The following MIGA1 variants were observed in gnomAD, a reference collection of about 807,000 sequenced individuals.
The protein encoded by MIGA1 is mitoguardin 1.
In MIGA1, 58 loss-of-function variants were observed where a neutral mutation model predicts 82.0. The ratio of observed to expected loss-of-function variants is 0.71; its 90% CI spans 0.57 to 0.88. The LOEUF (loss-of-function observed/expected upper bound fraction) is 0.88. Ranked by LOEUF, MIGA1 falls within the 40% of genes least tolerant of loss-of-function variation. The pLI, the probability that MIGA1 is intolerant of heterozygous loss-of-function variation, is 0.00. For synonymous variants in MIGA1, 249 were observed against 253.6 expected (o/e 0.98, Z 0.17); for missense variants, 751 against 749.1 (o/e 1.00, Z -0.03).
chr1:77,839,232 ATAATAATAAC>A (rs1481999485), intron 7 of MIGA1, among the ~76,000 whole-genome samples: 7 of 151,902 alleles, frequency 4.6e-5, no homozygotes, highest in Middle Eastern at 3.4e-3. Context: ...AATAATAATA[ATAATAATAAC>A]CATTTTCCAC....
intron 8 of MIGA1, among the ~76,000 whole-genome samples, chr1:77,852,397 T>C (rs1218515774): frequency 6.6e-6 from 1 of 152,160 alleles, no homozygotes; most frequent in Non-Finnish European, 1.5e-5. Context: ...CCTTAAAATA[T>C]GAGGGGAAAT....
chr1:77,833,028 T>C (rs993520642), intron 7 of MIGA1, among the ~76,000 whole-genome samples: 2 of 152,162 alleles, frequency 1.3e-5, no homozygotes, highest in Admixed American at 1.3e-4. Context: ...TAGAGAGATG[T>C]TATTCTTCTT....
chr1:77,869,858 C>T (rs1489939818), intron 14 of MIGA1, among the ~76,000 whole-genome samples: 48 of 113,330 alleles, frequency 4.2e-4, no homozygotes, highest in South Asian at 9.4e-4. Flanking sequence ...GCTGGCCAGG[C>T]GGGGGGCTGA....
chr1:77,803,211 AC>A (rs1213843461), intron 3 of MIGA1, 58 bp from the exon 4 acceptor site: 1 of 1,162,584 alleles, frequency 8.6e-7, no homozygotes, highest in African/African-American at 1.6e-5. Context: ...TGAAATTTTT[AC>A]CTGAAATTTA....
At position 77,788,234 on chromosome 1, in the gene MIGA1, G is replaced by A. The variant is rs186542579; in HGVS notation, c.195+4883G>A. ...GCCAGGCTGGTCTTGAACTCCTGAC[G>A]TCAAGTGATCCGCCTGCCTTGGCCT... is the stretch of plus-strand genomic sequence containing the variant. On this transcript the variant is annotated intron_variant, in intron 2 of 15. Transcript: ENST00000370791. Among the ~76,000 whole-genome samples the A allele has an allele frequency of 7.9e-5, 12 of 152,098 alleles. No homozygotes were observed. In the East Asian group the frequency reaches 1.7e-3, roughly 22 times the overall value.
intron 4 of MIGA1, among the ~76,000 whole-genome samples, chr1:77,805,461 CTTTTTT>C (rs11408292): frequency 4.5e-5 from 5 of 110,408 alleles, no homozygotes; most frequent in South Asian, 3.1e-4. Flanking sequence ...TATGCCTATT[CTTTTTT>C]TTTTTTTTTT....
chr1:77,813,362 A>G lies in MIGA1; in HGVS notation c.638-372A>G, dbSNP rs565558280. 2.7e-3 allele frequency among the ~76,000 whole-genome samples: 405 copies of G among 152,156 alleles called. 3 individuals are homozygous for G. The highest frequency in any genetic ancestry group is 9.0e-3 in the African/African-American group (375 of 41,526). On this transcript the variant is annotated intron_variant, in intron 5 of 15. Coordinates refer to ENST00000370791, the MANE Select transcript of MIGA1 (RefSeq NM_198549.4). ...AACTGGTTTCTTCTATCTTCCCATT[A>G]GTTTTCCTTTTAATTTACAGGGATA...
chr1:77,806,400 G>A (rs1484006321), intron 4 of MIGA1, among the ~76,000 whole-genome samples: 2 of 152,188 alleles, frequency 1.3e-5, no homozygotes, highest in Non-Finnish European at 2.9e-5. Flanking sequence ...CAGCAGAAGA[G>A]CCAAATGGAG....
At chr1:77,780,275 C>T (rs1396851238) in intron 1 of MIGA1, 1 of 589,128 alleles carries the variant, frequency 1.7e-6, no homozygotes, top group Non-Finnish European at 2.1e-6. Context: ...TGAAAGATTA[C>T]TCTGCTTTGC....
Position 77,806,956 on chromosome 1 carries a change from C to A in MIGA1, c.511-19C>A. The stretch of plus-strand genomic sequence containing the variant: ...TCATGAGAGAGATTTGAAGTAACTT[C>A]TATCCATCTTAATTTTAGGTCCAGA... On this transcript the variant is annotated intron_variant, in intron 4 of 15. Coordinates refer to ENST00000370791, the MANE Select transcript of MIGA1 (RefSeq NM_198549.4). 1 of 1,590,396 alleles carries A rather than the reference C, an allele frequency of 6.3e-7. No homozygotes were observed. Among genetic ancestry groups the A allele is most frequent in the Non-Finnish European group, 8.6e-7 (1 of 1,165,880 alleles).
intron 8 of MIGA1, among the ~76,000 whole-genome samples, chr1:77,844,127 TATATATATATAG>T (rs1684741347): frequency 3.4e-5 from 4 of 117,136 alleles, no homozygotes; most frequent in South Asian, 5.2e-4. Context: ...TATATATATA[TATATATATATAG>T]ATAGATAGAT....
At chr1:77,822,355 G>A (rs1683848734) in intron 7 of MIGA1, among the ~76,000 whole-genome samples, 1 of 152,186 alleles carries the variant, frequency 6.6e-6, no homozygotes, top group South Asian at 2.1e-4. Context: ...GAGCTCAGAA[G>A]TTCGAGGCTG....
At chr1:77,794,385 A>G (rs1682567665) in intron 2 of MIGA1, among the ~76,000 whole-genome samples, 2 of 152,174 alleles carry the variant, frequency 1.3e-5, no homozygotes, top group African/African-American at 2.4e-5. Context: ...AATCTGTGAC[A>G]GTTCTTTCAG....
intron 7 of MIGA1, among the ~76,000 whole-genome samples, chr1:77,826,562 A>C (rs186920673): frequency 2.0e-5 from 3 of 152,234 alleles, no homozygotes; most frequent in Non-Finnish European, 2.9e-5. Context: ...CACAGCCTCA[A>C]CTTCCTGGGT....
chr1:77,861,017 G>A (rs1174622568), intron 11 of MIGA1: 3 of 478,932 alleles, frequency 6.3e-6, no homozygotes, highest in Non-Finnish European at 1.1e-5. Flanking sequence ...GTTTGCTTGT[G>A]ACATTTTACT....
At chr1:77,811,786 G>A (rs1683343834) in intron 5 of MIGA1, 6 of 1,565,504 alleles carry the variant, frequency 3.8e-6, no homozygotes, top group South Asian at 1.2e-5. Flanking sequence ...CGACATGGCC[G>A]GTCCCCACCC....
chr1:77,843,271 T>TTCCAC, intron 7 of MIGA1, 36 bp from the exon 8 acceptor site: 3 of 1,416,606 alleles, frequency 2.1e-6, no homozygotes, highest in Non-Finnish European at 3.0e-6. Flanking sequence ...TGATGTGGAA[T>TTCCAC]ATCACTTTCT....
chr1:77,786,650 A>G (rs1682175727), intron 2 of MIGA1, among the ~76,000 whole-genome samples: 1 of 152,232 alleles, frequency 6.6e-6, no homozygotes, highest in Non-Finnish European at 1.5e-5. Context: ...TTGCTAAAAT[A>G]TAGTAAGAGT....
intron 7 of MIGA1, among the ~76,000 whole-genome samples, chr1:77,815,698 G>C (rs1394415375): frequency 1.3e-5 from 2 of 152,104 alleles, no homozygotes; most frequent in Non-Finnish European, 2.9e-5. Flanking sequence ...CTACTTTAAA[G>C]AGAAAAGAGT....
Sources: allele counts gnomAD v4.1 joint callset (sites outside exome capture counted in the v4.1 genomes callset), GRCh38; gene constraint gnomAD v4.1.1; transcripts MANE v1.5; gene names NCBI Gene and HGNC (gene_info 2026-07-23, HGNC 2026-07-21).